ADGRB3: variants seen among roughly 807,000 people sequenced by gnomAD.
ADGRB3 encodes the protein adhesion G protein-coupled receptor B3.
Under a neutral mutation model 193.4 loss-of-function variants are expected in ADGRB3, and 37 were observed. The ratio of observed to expected loss-of-function variants is 0.19; its 90% confidence interval spans 0.15 to 0.25. The LOEUF is 0.25. Among genes scored for constraint, ADGRB3 ranks in the 10% least tolerant of loss-of-function variants. ADGRB3 has a pLI of 1.00. For synonymous variants in ADGRB3, 690 were observed against 644.2 expected (o/e 1.07, Z -1.08); for missense variants, 1,637 against 1,852.9 (o/e 0.88, Z 2.14).
At chr6:69,149,440 CCTT>C (rs1774603989) in intron 17 of ADGRB3, among the ~76,000 whole-genome samples, 1 of 151,962 alleles carries the variant, frequency 6.6e-6, no homozygotes, top group African/African-American at 2.4e-5. Context: ...ATCCTGAACT[CCTT>C]CTCTGTGTTA....
chr6:68,970,904 G>C (rs535375978), intron 8 of ADGRB3, among the ~76,000 whole-genome samples: 16 of 152,298 alleles, frequency 1.1e-4, no homozygotes, highest in African/African-American at 3.8e-4. Flanking sequence ...AATGGTTTTA[G>C]TTACGGGAAC....
intron 3 of ADGRB3, among the ~76,000 whole-genome samples, chr6:68,709,752 T>C (rs1422052276): frequency 6.6e-6 from 1 of 152,216 alleles, no homozygotes; most frequent in African/African-American, 2.4e-5. Context: ...GAATACATTA[T>C]TTATGTCAAA....
intron 3 of ADGRB3, among the ~76,000 whole-genome samples, chr6:68,753,979 C>T (rs542285933): frequency 3.9e-5 from 6 of 152,152 alleles, no homozygotes; most frequent in South Asian, 4.1e-4. Context: ...CTGTACTATC[C>T]GTCTGAGGTA....
At chr6:68,977,601 A>C (rs1023421054) in intron 10 of ADGRB3, among the ~76,000 whole-genome samples, 4 of 152,190 alleles carry the variant, frequency 2.6e-5, no homozygotes, top group African/African-American at 9.6e-5. Flanking sequence ...CAAAGTGTGA[A>C]TCCTGTTGAA....
intron 6 of ADGRB3, among the ~76,000 whole-genome samples, chr6:68,952,762 T>C (rs1178565049): frequency 6.6e-6 from 1 of 150,450 alleles, no homozygotes; most frequent in Non-Finnish European, 1.5e-5. Context: ...TATCTTCAAT[T>C]TCATTATTTT....
At chr6:69,112,169 G>T (rs1773384571) in intron 17 of ADGRB3, among the ~76,000 whole-genome samples, 1 of 152,090 alleles carries the variant, frequency 6.6e-6, no homozygotes, top group South Asian at 2.1e-4. Flanking sequence ...TGGTCCTTGT[G>T]GTTACGTGAG....
intron 3 of ADGRB3, among the ~76,000 whole-genome samples, chr6:68,788,730 A>T (rs1767030391): frequency 6.6e-6 from 1 of 152,202 alleles, no homozygotes; most frequent in Middle Eastern, 3.4e-3. Flanking sequence ...TGTCTCTTTG[A>T]TCTGTCTAAC....
chr6:69,171,311 G>GA, intron 17 of ADGRB3, among the ~76,000 whole-genome samples: 1 of 152,108 alleles, frequency 6.6e-6, no homozygotes, highest in Non-Finnish European at 1.5e-5. Context: ...AAGAAAAGAA[G>GA]AAAATGAAGA....
intron 3 of ADGRB3, among the ~76,000 whole-genome samples, chr6:68,824,495 ATATT>A (rs1466091231): frequency 6.7e-6 from 1 of 148,746 alleles, no homozygotes; most frequent in Non-Finnish European, 1.5e-5. Flanking sequence ...AATTCATCGG[ATATT>A]TATATATTTC....
At chr6:68,850,726 T>A (rs889387254) in intron 3 of ADGRB3, among the ~76,000 whole-genome samples, 2 of 152,040 alleles carry the variant, frequency 1.3e-5, no homozygotes, top group Admixed American at 1.3e-4. Flanking sequence ...CCATATCTAC[T>A]TGTTTTTCTT....
intron 17 of ADGRB3, among the ~76,000 whole-genome samples, chr6:69,077,602 G>A (rs1406024378): frequency 6.6e-6 from 1 of 151,994 alleles, no homozygotes; most frequent in African/African-American, 2.4e-5. Context: ...TTCATAGACA[G>A]TATAAGGTGT....
At chr6:69,385,393 C>A (rs1770048180) in intron 31 of ADGRB3, among the ~76,000 whole-genome samples, 2 of 152,020 alleles carry the variant, frequency 1.3e-5, no homozygotes, top group Middle Eastern at 3.4e-3. Flanking sequence ...GAGGGAGGGA[C>A]TTATCCACAA....
At chr6:69,238,303 C>T (rs1192370528) in intron 19 of ADGRB3, among the ~76,000 whole-genome samples, 1 of 152,038 alleles carries the variant, frequency 6.6e-6, no homozygotes, top group Non-Finnish European at 1.5e-5. Context: ...AGTGATTTAC[C>T]ACAGAATGCA....
At chr6:68,981,652 GAGCAC>G (rs373137346) in intron 10 of ADGRB3, among the ~76,000 whole-genome samples, 10 of 151,488 alleles carry the variant, frequency 6.6e-5, no homozygotes, top group African/African-American at 2.4e-4. Flanking sequence ...TGTAGTACAA[GAGCAC>G]AGCTACAGAC....
rs1459468778 is a variant in ADGRB3 at position 69,040,363 on chromosome 6, TTCTTTCTTTCTTTCCTTCTCTC to T, written c.2108-7811_2108-7790del. On this transcript the variant is annotated intron_variant, in intron 13 of 31. Transcript: ENST00000370598. ...TTTCTTTCTTTCTTTCTTTCTTTCT[TTCTTTCTTTCTTTCCTTCTCTC>T]TCTTTCTTTCCTTCACGCAGGTGAC... Among the ~76,000 whole-genome samples the T allele has an allele frequency of 6.8e-3, 367 of 53,648 alleles. 3 individuals carry two copies. The highest frequency in any genetic ancestry group is 0.015 in the East Asian group (13 of 868). 35.2% of individuals were successfully genotyped at this position (53,648 alleles called of 152,430 possible). A position where few individuals can be genotyped will look rare whatever the true frequency, so the allele number is the denominator to read the frequency against.
At chr6:68,827,202 C>A (rs1329183881) in intron 3 of ADGRB3, among the ~76,000 whole-genome samples, 1 of 152,044 alleles carries the variant, frequency 6.6e-6, no homozygotes, top group Non-Finnish European at 1.5e-5. Context: ...ATTAGGAGAA[C>A]AACATGTTAA....
chr6:68,777,494 A>C (rs376164087), intron 3 of ADGRB3, among the ~76,000 whole-genome samples: 3 of 152,216 alleles, frequency 2.0e-5, no homozygotes, highest in African/African-American at 7.2e-5. Context: ...ATTAACGACC[A>C]GTAATAACCA....
At chr6:69,122,497 G>C (rs1259452195) in intron 17 of ADGRB3, among the ~76,000 whole-genome samples, 1 of 104,504 alleles carries the variant, frequency 9.6e-6, no homozygotes, top group Non-Finnish European at 2.1e-5. Flanking sequence ...GAGGGGGAGG[G>C]GGAGAGGGAG....
chr6:68,722,303 C>T (rs1765597866), intron 3 of ADGRB3, among the ~76,000 whole-genome samples: 1 of 151,648 alleles, frequency 6.6e-6, no homozygotes, highest in Non-Finnish European at 1.5e-5. Flanking sequence ...GGGAGGGGAA[C>T]ATCACACACT....
Sources: allele counts gnomAD v4.1 joint callset (sites outside exome capture counted in the v4.1 genomes callset), GRCh38; gene constraint gnomAD v4.1.1; transcripts MANE v1.5; gene names NCBI Gene and HGNC (gene_info 2026-07-23, HGNC 2026-07-21).